Variants in IQCJ observed in about 807,000 individuals in gnomAD.
The protein encoded by IQCJ is IQ motif containing J.
In IQCJ, 9 loss-of-function variants were observed where a neutral mutation model predicts 11.0. The observed-to-expected ratio is 0.82, with a 90% confidence interval of 0.49 to 1.43. IQCJ has a LOEUF of 1.43. Ranked by LOEUF, IQCJ falls within the 40% of genes most tolerant of loss-of-function variation. The pLI is 0.00. For missense variants in IQCJ, 146 were observed against 133.2 expected (o/e 1.10, Z -0.47); for synonymous variants, 55 against 51.3 (o/e 1.07, Z -0.31).
chr3:159,090,494 C>G (rs1717189673), intron 1 of IQCJ, among the ~76,000 whole-genome samples: 1 of 151,758 alleles, frequency 6.6e-6, no homozygotes, highest in Non-Finnish European at 1.5e-5. Flanking sequence ...AGCACATCGT[C>G]CGTAGAGTTG....
chr3:159,237,882 G>T (rs1726683907), intron 1 of IQCJ, among the ~76,000 whole-genome samples: 1 of 152,166 alleles, frequency 6.6e-6, no homozygotes, highest in Non-Finnish European at 1.5e-5. Flanking sequence ...TTGGTTTATA[G>T]AAAAAGAATT....
chr3:159,089,825 AT>A (rs1482529663), intron 1 of IQCJ, among the ~76,000 whole-genome samples: 4 of 151,052 alleles, frequency 2.6e-5, no homozygotes, highest in Non-Finnish European at 5.9e-5. Flanking sequence ...ATTCTTCTAA[AT>A]TTTTTTCAAA....
At chr3:159,243,912 A>G (rs1439765587) in intron 1 of IQCJ, among the ~76,000 whole-genome samples, 3 of 152,236 alleles carry the variant, frequency 2.0e-5, no homozygotes, top group Non-Finnish European at 2.9e-5. Flanking sequence ...AGTTCCAAAT[A>G]TATTTTGAAA....
chr3:159,199,896 C>T, intron 1 of IQCJ, among the ~76,000 whole-genome samples: 1 of 151,544 alleles, frequency 6.6e-6, no homozygotes, highest in Admixed American at 6.6e-5. Flanking sequence ...CTTGAGCTAG[C>T]TTTTCTGGGT....
intron 1 of IQCJ, among the ~76,000 whole-genome samples, chr3:159,205,601 G>A (rs1724613576): frequency 1.3e-5 from 2 of 152,164 alleles, no homozygotes; most frequent in Admixed American, 6.5e-5. Flanking sequence ...TTACTAATTT[G>A]ACTAACTCAA....
At chr3:159,149,093 T>C (rs559415526) in intron 1 of IQCJ, among the ~76,000 whole-genome samples, 19 of 152,304 alleles carry the variant, frequency 1.2e-4, no homozygotes, top group Admixed American at 1.2e-3. Context: ...TTGCTTACTT[T>C]TAATTTTTAT....
intron 1 of IQCJ, among the ~76,000 whole-genome samples, chr3:159,236,231 T>A (rs1287428510): frequency 1.6e-5 from 2 of 125,292 alleles, no homozygotes; most frequent in Non-Finnish European, 3.4e-5. Flanking sequence ...TAGAAAACAT[T>A]AATGCATAAT....
chr3:159,085,738 G>T (rs908278641), intron 1 of IQCJ, among the ~76,000 whole-genome samples: 3 of 151,408 alleles, frequency 2.0e-5, no homozygotes, highest in East Asian at 1.9e-4. Flanking sequence ...GTCTGTTCAT[G>T]TCCTTCGCCC....
chr3:159,109,666 GGTGTGT>G (rs149581432), intron 1 of IQCJ, among the ~76,000 whole-genome samples: 1 of 150,712 alleles, frequency 6.6e-6, no homozygotes, highest in African/African-American at 2.4e-5. Flanking sequence ...TGGGTGTGTG[GGTGTGT>G]GTGTGTGTGT....
chr3:159,124,980 G>C (rs1355008552), intron 1 of IQCJ, among the ~76,000 whole-genome samples: 1 of 152,072 alleles, frequency 6.6e-6, no homozygotes, highest in African/African-American at 2.4e-5. Flanking sequence ...TTATATATGA[G>C]AAAGTTAAGG....
chr3:159,086,725 T>G (rs1185872301), intron 1 of IQCJ, among the ~76,000 whole-genome samples: 1 of 152,136 alleles, frequency 6.6e-6, no homozygotes, highest in East Asian at 1.9e-4. Flanking sequence ...GTTTGTCTGT[T>G]ATTGGTGTAT....
chr3:159,119,769 C>G lies in IQCJ; in HGVS notation c.9+50328C>G, dbSNP rs565415496. 5.9e-5 allele frequency among the ~76,000 whole-genome samples: 9 copies of G among 152,240 alleles called. No homozygotes were observed. The East Asian group carries it at 1.2e-3, about 20-fold the overall frequency. ...TCTCATGCAGAACTTCAATACTGAG[C>G]CTCTCCTTTCCCCATGTATCCCCAT... On this transcript the variant is annotated intron_variant, in intron 1 of 3. Coordinates refer to ENST00000397832, the MANE Select transcript of IQCJ (RefSeq NM_001042706.3).
At chr3:159,176,043 G>A (rs1722776698) in intron 1 of IQCJ, among the ~76,000 whole-genome samples, 2 of 152,158 alleles carry the variant, frequency 1.3e-5, no homozygotes, top group African/African-American at 4.8e-5. Flanking sequence ...TGATGCTGTT[G>A]AACATCTTTT....
chr3:159,123,324 C>A (rs1028368686), intron 1 of IQCJ, among the ~76,000 whole-genome samples: 2 of 152,132 alleles, frequency 1.3e-5, no homozygotes, highest in African/African-American at 4.8e-5. Context: ...CCTGCTCAGA[C>A]CCTGCTACAG....
chr3:159,095,520 C>T (rs1441754759), intron 1 of IQCJ, among the ~76,000 whole-genome samples: 2 of 112,588 alleles, frequency 1.8e-5, no homozygotes, highest in African/African-American at 3.5e-5. Context: ...CCCCCTCCCC[C>T]GACCCCACCA....
chr3:159,157,402 T>C (rs943480365), intron 1 of IQCJ, among the ~76,000 whole-genome samples: 1 of 152,214 alleles, frequency 6.6e-6, no homozygotes, highest in African/African-American at 2.4e-5. Flanking sequence ...TTTCTCATGA[T>C]TGTCTTTATC....
intron 1 of IQCJ, among the ~76,000 whole-genome samples, chr3:159,169,211 A>AGTTGAAGG (rs1722341340): frequency 6.6e-6 from 1 of 151,686 alleles, no homozygotes; most frequent in African/African-American, 2.4e-5. Flanking sequence ...TGGAAATAAA[A>AGTTGAAGG]GTTGAAGGTG....
chr3:159,265,672 T>A, downstream of IQCJ: 2 of 281,328 alleles, frequency 7.1e-6, no homozygotes, highest in Non-Finnish European at 1.4e-5. Context: ...GACAATTTTC[T>A]ATCTTCTCAT....
At position 159,164,724 on chromosome 3, in the gene IQCJ, C is replaced by T. The variant is rs538336056; in HGVS notation, c.10-81119C>T. Reference sequence around the variant, plus strand: ...CAGAGGCTGTGGTGAGCCGAGATCACGCCATTGCACTCCAGCCTGGGTGAC... The same window carrying T: ...CAGAGGCTGTGGTGAGCCGAGATCATGCCATTGCACTCCAGCCTGGGTGAC... On this transcript the variant is annotated intron_variant, in intron 1 of 3. Coordinates refer to ENST00000397832, the MANE Select transcript of IQCJ (RefSeq NM_001042706.3). 8.5e-5 allele frequency among the ~76,000 whole-genome samples: 13 copies of T among 152,262 alleles called. No homozygotes were observed. In the South Asian group the frequency reaches 1.0e-3, roughly 12 times the overall value.
Sources: allele counts gnomAD v4.1 joint callset (sites outside exome capture counted in the v4.1 genomes callset), GRCh38; gene constraint gnomAD v4.1.1; transcripts MANE v1.5; gene names NCBI Gene and HGNC (gene_info 2026-07-23, HGNC 2026-07-21).